The following SLIT3 variants were observed in gnomAD, a reference collection of about 807,000 sequenced individuals.
SLIT3 encodes the protein slit homolog 3 protein.
SLIT3 carries 68 observed loss-of-function variants against 184.0 expected under a neutral mutation model. That is an observed-to-expected ratio of 0.37 (90% CI 0.30 to 0.45). The LOEUF is 0.45. SLIT3 is among the 20% of genes least tolerant of loss of function. The pLI, the probability that SLIT3 is intolerant of heterozygous loss-of-function variation, is 1.00. For synonymous variants in SLIT3, 831 were observed against 828.6 expected (o/e 1.00, Z -0.05); for missense variants, 1,707 against 2,026.0 (o/e 0.84, Z 3.02).
chr5:169,061,800 G>C (rs530805336), intron 4 of SLIT3, among the ~76,000 whole-genome samples: 1 of 152,048 alleles, frequency 6.6e-6, no homozygotes, highest in Non-Finnish European at 1.5e-5. Context: ...AGATCATGAC[G>C]GATACCCTCA....
intron 3 of SLIT3, among the ~76,000 whole-genome samples, chr5:169,213,047 T>C (rs576014565): frequency 4.7e-4 from 72 of 152,162 alleles, no homozygotes; most frequent in Admixed American, 1.6e-3. Flanking sequence ...GATGACATGA[T>C]TGTATATTTA....
chr5:168,803,734 GA>G (rs1272809938), intron 9 of SLIT3, among the ~76,000 whole-genome samples: 3 of 152,042 alleles, frequency 2.0e-5, no homozygotes, highest in South Asian at 4.2e-4. Context: ...CTGCCAAAGA[GA>G]AAAAAACCTG....
At chr5:169,138,273 T>G (rs1489664122) in intron 4 of SLIT3, among the ~76,000 whole-genome samples, 1 of 152,204 alleles carries the variant, frequency 6.6e-6, no homozygotes, top group African/African-American at 2.4e-5. Context: ...TCCTGGGCGA[T>G]GTGACCTACA....
intron 20 of SLIT3, among the ~76,000 whole-genome samples, chr5:168,726,337 GTGGAGA>G (rs1763106633): frequency 7.8e-6 from 1 of 128,330 alleles, no homozygotes; most frequent in Non-Finnish European, 1.6e-5. Flanking sequence ...TCAAATATAG[GTGGAGA>G]GGGAGGCAGG....
At position 169,300,608 on chromosome 5, in the gene SLIT3, G is replaced by A. The variant is rs1203605388; in HGVS notation, c.102C>T (p.Cys34=). Residue 34 remains cysteine (C), a synonymous_variant, in exon 1 of 36, where the codon TGC becomes TGT. Coordinates refer to ENST00000519560, the MANE Select transcript of SLIT3 (RefSeq NM_003062.4). The surrounding 1 kb of genome is among the most constrained non-coding windows in gnomAD (Gnocchi z 4.1). ...SVLSGPPAVA[C]PTKCTCSAAS... ...CAGCGGAGCAGGTACACTTGGTGGG[G>A]CAGGCGACGGCTGGAGGCCCACTCA... 4 of 1,505,920 alleles carry A rather than the reference G, an allele frequency of 2.7e-6. No individual in the cohort carries two copies. Among genetic ancestry groups the A allele is most frequent in the South Asian group, 1.2e-5 (1 of 80,870 alleles). 93.3% of individuals were successfully genotyped at this position (1,505,920 alleles called of 1,614,324 possible).
intron 4 of SLIT3, among the ~76,000 whole-genome samples, chr5:169,129,649 T>G (rs912571520): frequency 6.6e-6 from 1 of 152,022 alleles, no homozygotes; most frequent in African/African-American, 2.4e-5. Context: ...GGAAAAAAAC[T>G]GAAAAAACTG....
At chr5:168,770,667 T>A (rs78449704) in intron 14 of SLIT3, among the ~76,000 whole-genome samples, 12,495 of 142,232 alleles carry the variant, frequency 0.088, 553 homozygotes, top group East Asian at 0.11. Flanking sequence ...TTTTTTTTTT[T>A]AAAAAAGGTA....
chr5:168,994,831 G>A (rs1755457242), intron 4 of SLIT3, among the ~76,000 whole-genome samples: 2 of 151,384 alleles, frequency 1.3e-5, no homozygotes, highest in South Asian at 2.1e-4. Context: ...TTCTAGAAAC[G>A]GGGTTTCAGC....
chr5:168,952,190 C>T (rs1320644614), intron 4 of SLIT3, among the ~76,000 whole-genome samples: 3 of 152,188 alleles, frequency 2.0e-5, no homozygotes, highest in Non-Finnish European at 4.4e-5. Context: ...TGTTGGAAAA[C>T]CGCCTCCAAT....
chr5:168,712,422 T>G, intron 23 of SLIT3, 68 bp from the exon 24 acceptor site: 2 of 1,369,788 alleles, frequency 1.5e-6, no homozygotes, highest in Non-Finnish European at 2.1e-6. Context: ...TCTCAGGGCC[T>G]CCAGTGCCTG....
chr5:169,034,912 A>AGTGTGTGTGTGTGTGTGT lies in SLIT3; in HGVS notation c.414-151594_414-151577dup, dbSNP rs112102059. Among the ~76,000 whole-genome samples, 21 of 132,320 alleles carry AGTGTGTGTGTGTGTGTGT rather than the reference A, an allele frequency of 1.6e-4. No individual in the cohort carries two copies. The Admixed American group carries it at 1.6e-3, about 10-fold the overall frequency. The allele number at this position is 132,320 out of a possible 152,430, so 86.8% of individuals were successfully genotyped here. The stretch of plus-strand genomic sequence containing the variant: ...CAGGTACAAGCCACCACGCCCAGCT[A>AGTGTGTGTGTGTGTGTGT]GTGTGTGTGTGTGTGTGTGTGTGTG... On this transcript the variant is annotated intron_variant, in intron 4 of 35. Coordinates refer to ENST00000519560, the MANE Select transcript of SLIT3 (RefSeq NM_003062.4).
chr5:169,132,688 T>C (rs969220339), intron 4 of SLIT3, among the ~76,000 whole-genome samples: 1 of 152,262 alleles, frequency 6.6e-6, no homozygotes, highest in Non-Finnish European at 1.5e-5. Flanking sequence ...TCTGTATGTC[T>C]ATTCTATTTT....
chr5:168,792,264 C>G (rs1405062988), intron 10 of SLIT3: 1 of 152,276 alleles, frequency 6.6e-6, no homozygotes, highest in Non-Finnish European at 1.5e-5. Flanking sequence ...GCTCCTAGAA[C>G]TGATTCTGGG....
At chr5:168,946,169 G>T (rs547863820) in intron 4 of SLIT3, among the ~76,000 whole-genome samples, 80 of 152,292 alleles carry the variant, frequency 5.3e-4, no homozygotes, top group African/African-American at 1.9e-3. Flanking sequence ...TTGTGTCTGT[G>T]CTTGCAATCA....
At chr5:169,238,780 T>G (rs1404256885) in intron 3 of SLIT3, among the ~76,000 whole-genome samples, 1 of 152,140 alleles carries the variant, frequency 6.6e-6, no homozygotes, top group Non-Finnish European at 1.5e-5. Flanking sequence ...CATTTTTGTT[T>G]GAAGAGTTTA....
rs186321136 is a variant in SLIT3, at chr5:168,840,895, C to T, written c.557+3689G>A. Among the ~76,000 whole-genome samples, 398 of 152,240 alleles carry T rather than the reference C, an allele frequency of 2.6e-3. 2 individuals carry two copies. The highest frequency in any genetic ancestry group is 4.5e-3 in the Non-Finnish European group (306 of 68,022). On this transcript the variant is annotated intron_variant, in intron 6 of 35. Transcript: ENST00000519560. ...GAGTGGGAATAAATCATCTCTGGGG[C>T]GACAAGTGTATCAGTGAAAAAGCAG...
intron 4 of SLIT3, among the ~76,000 whole-genome samples, chr5:168,924,937 AT>A (rs1761766382): frequency 6.6e-6 from 1 of 152,208 alleles, no homozygotes; most frequent in Non-Finnish European, 1.5e-5. Flanking sequence ...AGATCCCATC[AT>A]AAGGTAAGCA....
intron 16 of SLIT3, among the ~76,000 whole-genome samples, chr5:168,756,588 T>C (rs765449148): frequency 6.6e-6 from 1 of 152,182 alleles, no homozygotes; most frequent in Admixed American, 6.5e-5. Flanking sequence ...CCCTGCCTGG[T>C]TCTCCTTAAA....
intron 4 of SLIT3, among the ~76,000 whole-genome samples, chr5:169,133,445 G>A (rs1761378309): frequency 6.6e-6 from 1 of 152,192 alleles, no homozygotes; most frequent in Non-Finnish European, 1.5e-5. Context: ...ATAGAGCCAT[G>A]GGAATTGGCT....
Sources: allele counts gnomAD v4.1 joint callset (sites outside exome capture counted in the v4.1 genomes callset), GRCh38; gene constraint gnomAD v4.1.1; non-coding constraint Gnocchi (gnomAD v3.1); transcripts MANE v1.5; gene names NCBI Gene and HGNC (gene_info 2026-07-23, HGNC 2026-07-21).